PPP6C: variants seen among roughly 807,000 people sequenced by gnomAD.
PPP6C encodes serine/threonine-protein phosphatase 6 catalytic subunit.
In PPP6C, 11 loss-of-function variants were observed where a neutral mutation model predicts 39.8. The ratio of observed to expected loss-of-function variants is 0.28; its 90% confidence interval spans 0.17 to 0.46. The LOEUF is 0.46. PPP6C is among the 20% of genes least tolerant of loss of function. The pLI, the probability that PPP6C is intolerant of heterozygous loss-of-function variation, is 1.00. For missense variants in PPP6C, 211 were observed against 373.9 expected, an observed-to-expected ratio of 0.56 and a Z score of 3.59; for synonymous variants, 129 against 130.3, an observed-to-expected ratio of 0.99 and a Z score of 0.07.
intron 6 of PPP6C, chr9:125,150,961 A>G: frequency 7.9e-7 from 1 of 1,272,960 alleles, no homozygotes. Context: ...TCAGGTGACA[A>G]TCTCAGCCAA....
chr9:125,177,290 C>T (rs1263592485), intron 1 of PPP6C, among the ~76,000 whole-genome samples: 2 of 152,154 alleles, frequency 1.3e-5, no homozygotes, highest in Non-Finnish European at 1.5e-5. Context: ...AGGAGAATGG[C>T]GTGAACCCGG....
Position 125,181,951 on chromosome 9 carries a change from G to A in PPP6C, c.75+7693C>T, listed in dbSNP as rs139545809. ...AAAAGTGTTCCTATTTCTCCAAATC[G>A]TCTCCAGCACCTGTTGTTTCCTAAC... is the stretch of plus-strand genomic sequence containing the variant. On this transcript the variant is annotated intron_variant, in intron 1 of 6. Transcript: ENST00000373547. 8.0e-3 allele frequency among the ~76,000 whole-genome samples: 1,218 copies of A among 152,192 alleles called. 7 individuals carry two copies. The highest frequency in any genetic ancestry group is 0.012 in the Non-Finnish European group (850 of 68,022).
rs558956463 is a variant in PPP6C at position 125,157,997 on chromosome 9, ACATTTTTAATGAGAACC to A, written c.379+227_379+243del. 3.3e-5 allele frequency among the ~76,000 whole-genome samples: 5 copies of A among 152,166 alleles called. No homozygotes were observed. In the East Asian group the frequency reaches 9.7e-4, roughly 29 times the overall value. ...AGCCACCCCACCCGGCCGGCAATCT[ACATTTTTAATGAGAACC>A]CAGGTGATTCCAGCTACACTTTGAG... On this transcript the variant is annotated intron_variant, in intron 4 of 6. Transcript: ENST00000373547.
At chr9:125,171,620 C>A (rs941289775) in intron 1 of PPP6C, among the ~76,000 whole-genome samples, 2 of 149,606 alleles carry the variant, frequency 1.3e-5, no homozygotes, top group African/African-American at 4.9e-5. Context: ...GTGACACGAT[C>A]TCGGCTCACT....
intron 4 of PPP6C, among the ~76,000 whole-genome samples, chr9:125,154,279 T>C (rs866401430): frequency 2.0e-5 from 3 of 152,360 alleles, no homozygotes; most frequent in Admixed American, 6.5e-5. Flanking sequence ...ACCTAGATGG[T>C]CTAGCCTACT....
At chr9:125,181,332 CTATT>C (rs1166807103) in intron 1 of PPP6C, among the ~76,000 whole-genome samples, 1 of 151,904 alleles carries the variant, frequency 6.6e-6, no homozygotes, top group African/African-American at 2.4e-5. Context: ...GTTCTGTTTT[CTATT>C]TATTTATTTT....
intron 1 of PPP6C, among the ~76,000 whole-genome samples, chr9:125,178,984 G>T (rs1182370920): frequency 1.3e-5 from 2 of 152,128 alleles, no homozygotes; most frequent in African/African-American, 4.8e-5. Context: ...GGAGGCCGAG[G>T]AGGTCAGATC....
intron 2 of PPP6C, among the ~76,000 whole-genome samples, chr9:125,162,327 CTGCACCTGTAA>C (rs1379057609): frequency 6.6e-6 from 1 of 151,496 alleles, no homozygotes. Flanking sequence ...GGGTGGTGGC[CTGCACCTGTAA>C]TCCCAGCTAC....
At position 125,189,041 on chromosome 9, in the gene PPP6C, CG is replaced by C. The variant is rs1010614255; in HGVS notation, c.75+602del. The C allele has an allele frequency of 3.2e-6, 3 of 927,860 alleles. No homozygotes were observed. In the African/African-American group the frequency reaches 5.0e-5, roughly 15 times the overall value. 57.5% of individuals were successfully genotyped at this position (927,860 alleles called of 1,614,324 possible). ...GTAAGCTCAACAACATACTCAGAAACGGGATTCACCTCTGAATTAGCAAAAC... is the reference window on the plus strand; with the variant it reads ...GTAAGCTCAACAACATACTCAGAAACGGATTCACCTCTGAATTAGCAAAAC... On this transcript the variant is annotated intron_variant, in intron 1 of 6. Coordinates refer to ENST00000373547, the MANE Select transcript of PPP6C (RefSeq NM_002721.5).
intron 2 of PPP6C, among the ~76,000 whole-genome samples, chr9:125,170,438 C>G (rs568678464): frequency 2.2e-4 from 34 of 152,144 alleles, no homozygotes; most frequent in African/African-American, 6.7e-4. Context: ...GGGGTTTCAC[C>G]ATGTTGGTCA....
intron 3 of PPP6C, among the ~76,000 whole-genome samples, chr9:125,160,024 A>C (rs892542695): frequency 6.6e-6 from 1 of 152,196 alleles, no homozygotes; most frequent in Non-Finnish European, 1.5e-5. Context: ...GTCTCAAAAA[A>C]AAAAAATAAG....
intron 2 of PPP6C, among the ~76,000 whole-genome samples, chr9:125,161,220 G>A (rs1447431425): frequency 6.6e-6 from 1 of 151,976 alleles, no homozygotes; most frequent in East Asian, 1.9e-4. Context: ...TTCTCAGTAA[G>A]CTAATCTAAC....
chr9:125,148,333 C>T lies in PPP6C; in HGVS notation c.*1340G>A, dbSNP rs985033011. The T allele has an allele frequency of 6.6e-6, 1 of 152,098 alleles. No homozygotes were observed. The highest frequency in any genetic ancestry group is 1.5e-5 in the Non-Finnish European group (1 of 68,000). The allele number at this position is 152,098 out of a possible 1,614,324, so 9.4% of individuals were successfully genotyped here. A position where few individuals can be genotyped will look rare whatever the true frequency, so the allele number is the denominator to read the frequency against. ...TAGTAAAGGGATACCAACTATTTCA[C>T]AAAATGTACATTCCAACATCATTTA... On this transcript the variant is annotated 3_prime_UTR_variant, in exon 7 of 7. Coordinates refer to ENST00000373547, the MANE Select transcript of PPP6C (RefSeq NM_002721.5).
rs766326428 is a variant in PPP6C, at chr9:125,153,538, T to A, written c.664A>T (p.Asn222Tyr). 3 of 1,614,076 alleles carry A rather than the reference T, an allele frequency of 1.9e-6. No individual in the cohort carries two copies. Among genetic ancestry groups the A allele is most frequent in the Non-Finnish European group, 2.5e-6 (3 of 1,179,958 alleles). Residue 222 changes from asparagine to tyrosine, a missense_variant, in exon 6 of 7, where the codon AAT becomes TAT. Coordinates refer to ENST00000373547, the MANE Select transcript of PPP6C (RefSeq NM_002721.5). ...AGWLFGAKVT[N>Y]EFVHINNLKL... is the part of the protein sequence containing the mutation. The stretch of plus-strand genomic sequence containing the variant: ...TCCAAAAATGTTGGCTTTACCTCAT[T>A]TGTGACCTTTGCTCCAAAAAGCCAA...
chr9:125,182,823 G>A (rs359575), intron 1 of PPP6C, among the ~76,000 whole-genome samples: 4,680 of 150,280 alleles, frequency 0.031, 126 homozygotes, highest in Non-Finnish European at 0.049. Flanking sequence ...TCCAGACACT[G>A]CCAAAAATTC....
chr9:125,167,868 T>C (rs1159273095), intron 2 of PPP6C, among the ~76,000 whole-genome samples: 2 of 143,186 alleles, frequency 1.4e-5, no homozygotes, highest in Non-Finnish European at 3.0e-5. Flanking sequence ...TTGCCCAGGC[T>C]GGTCTTGAAC....
At chr9:125,150,666 T>C (rs771157550) in intron 6 of PPP6C, 5 of 965,454 alleles carry the variant, frequency 5.2e-6, no homozygotes, top group Non-Finnish European at 6.2e-6. Flanking sequence ...TATCAAAATC[T>C]TCAGCGGCAG....
chr9:125,171,478 C>CACATATATATATATATAT (rs1171157245), intron 1 of PPP6C, among the ~76,000 whole-genome samples: 3 of 83,528 alleles, frequency 3.6e-5, no homozygotes, highest in Non-Finnish European at 6.5e-5. Flanking sequence ...CACACACACA[C>CACATATATATATATATAT]ATATATATAT....
chr9:125,171,045 G>T, intron 2 of PPP6C, 40 bp downstream of exon 2: 1 of 1,358,496 alleles, frequency 7.4e-7, no homozygotes, highest in Non-Finnish European at 1.0e-6. Flanking sequence ...CATGGATCAT[G>T]GACAGTACAA....
Sources: gnomAD v4.1 joint callset for allele counts (sites outside exome capture counted in the v4.1 genomes callset) on GRCh38, gnomAD v4.1.1 for gene constraint, MANE v1.5 for transcripts, NCBI Gene and HGNC (gene_info 2026-07-23, HGNC 2026-07-21) for gene names.